The following GALNTL6 variants were observed in gnomAD, a reference collection of about 807,000 sequenced individuals.
GALNTL6 encodes the protein polypeptide N-acetylgalactosaminyltransferase like 6, also known as polypeptide N-acetylgalactosaminyltransferase-like 6.
In GALNTL6, 46 loss-of-function variants were observed where a neutral mutation model predicts 73.7. That is an observed-to-expected ratio of 0.62 (90% CI 0.49 to 0.80). GALNTL6 has a LOEUF of 0.80. Among genes scored for constraint, GALNTL6 ranks in the 30% least tolerant of loss-of-function variants. The pLI, the probability that GALNTL6 is intolerant of heterozygous loss-of-function variation, is 0.00. For synonymous variants in GALNTL6, 259 were observed against 263.7 expected (o/e 0.98, Z 0.17); for missense variants, 604 against 755.0 (o/e 0.80, Z 2.34).
Position 172,921,396 on chromosome 4 carries a change from C to T in GALNTL6, c.1042-9765C>T, listed in dbSNP as rs1230886804. On this transcript the variant is annotated intron_variant, in intron 8 of 12. Transcript: ENST00000506823. ...AACTGTATGATTCTATTGAATTTAA[C>T]ATTCTCTATGTCCAAATTTCAGGTT... 3.3e-5 allele frequency among the ~76,000 whole-genome samples: 5 copies of T among 152,144 alleles called. No homozygotes were observed. The East Asian group carries it at 9.6e-4, about 29-fold the overall frequency.
At chr4:172,238,156 A>G (rs1291942648) in intron 3 of GALNTL6, among the ~76,000 whole-genome samples, 2 of 152,162 alleles carry the variant, frequency 1.3e-5, no homozygotes, top group Admixed American at 6.5e-5. Flanking sequence ...TGGTAGTTCA[A>G]TAGAAATAGC....
chr4:172,835,052 G>A (rs1742834770), intron 7 of GALNTL6, among the ~76,000 whole-genome samples: 1 of 152,198 alleles, frequency 6.6e-6, no homozygotes. Context: ...CAAGAAGCAG[G>A]AGAGGATAAG....
intron 5 of GALNTL6, among the ~76,000 whole-genome samples, chr4:172,608,081 G>A (rs1324110305): frequency 6.6e-6 from 1 of 151,864 alleles, no homozygotes; most frequent in Non-Finnish European, 1.5e-5. Flanking sequence ...CTCCCATTCT[G>A]TTCTATTTAC....
At chr4:173,036,306 T>C (rs1288728324) in intron 12 of GALNTL6, among the ~76,000 whole-genome samples, 1 of 152,198 alleles carries the variant, frequency 6.6e-6, no homozygotes, top group Non-Finnish European at 1.5e-5. Flanking sequence ...GTGTGGAATC[T>C]TTTCTGTAAC....
At chr4:172,207,037 T>A (rs887778561) in intron 2 of GALNTL6, among the ~76,000 whole-genome samples, 6 of 151,466 alleles carry the variant, frequency 4.0e-5, no homozygotes, top group East Asian at 2.0e-4. Context: ...CAGGATGATC[T>A]CAATCTCCTG....
intron 5 of GALNTL6, among the ~76,000 whole-genome samples, chr4:172,482,539 A>G (rs1275853051): frequency 6.6e-6 from 1 of 152,282 alleles, no homozygotes; most frequent in Non-Finnish European, 1.5e-5. Context: ...CATCAAGTAC[A>G]TGAATGCACT....
intron 8 of GALNTL6, among the ~76,000 whole-genome samples, chr4:172,911,391 A>G (rs1180756287): frequency 6.6e-6 from 1 of 152,220 alleles, no homozygotes; most frequent in Non-Finnish European, 1.5e-5. Context: ...AGACAGTTGT[A>G]TTAGAGACCA....
chr4:171,890,410 A>C (rs1307506173), intron 2 of GALNTL6, among the ~76,000 whole-genome samples: 1 of 152,108 alleles, frequency 6.6e-6, no homozygotes, highest in Non-Finnish European at 1.5e-5. Context: ...GGACACTATA[A>C]TTTTTATACA....
intron 3 of GALNTL6, among the ~76,000 whole-genome samples, chr4:172,233,205 CAAA>C (rs35723958): frequency 3.8e-5 from 4 of 104,704 alleles, no homozygotes; most frequent in African/African-American, 3.7e-5. Flanking sequence ...CTCATCTCTC[CAAA>C]AAAAAAAAAA....
intron 6 of GALNTL6, among the ~76,000 whole-genome samples, chr4:172,810,013 C>G (rs1336821924): frequency 6.6e-6 from 1 of 151,728 alleles, no homozygotes; most frequent in Non-Finnish European, 1.5e-5. Flanking sequence ...CCCCAGAATA[C>G]AGTTAAAGTA....
chr4:172,694,759 C>T (rs375568831), intron 5 of GALNTL6, among the ~76,000 whole-genome samples: 70 of 152,268 alleles, frequency 4.6e-4, no homozygotes, highest in African/African-American at 9.6e-4. Context: ...TGCTCCCTTA[C>T]GTATGCATTT....
intron 5 of GALNTL6, among the ~76,000 whole-genome samples, chr4:172,468,678 AG>A (rs1732930591): frequency 6.6e-6 from 1 of 152,210 alleles, no homozygotes; most frequent in African/African-American, 2.4e-5. Context: ...ATAAGGTGGT[AG>A]GTTGTAAGTC....
intron 5 of GALNTL6, among the ~76,000 whole-genome samples, chr4:172,740,878 G>A (rs1341365381): frequency 6.6e-6 from 1 of 152,060 alleles, no homozygotes; most frequent in African/African-American, 2.4e-5. Flanking sequence ...TAAATGCAAT[G>A]TTAATGAATC....
chr4:172,479,190 T>C (rs953194338), intron 5 of GALNTL6, among the ~76,000 whole-genome samples: 3 of 152,128 alleles, frequency 2.0e-5, no homozygotes, highest in Non-Finnish European at 4.4e-5. Flanking sequence ...AGTAATTCAC[T>C]GTATTAAAAA....
chr4:171,903,492 C>T (rs1036217787), intron 2 of GALNTL6, among the ~76,000 whole-genome samples: 31 of 152,040 alleles, frequency 2.0e-4, no homozygotes, highest in East Asian at 1.9e-4. Flanking sequence ...CGGAGGGTCC[C>T]ACGCCCACGG....
intron 5 of GALNTL6, among the ~76,000 whole-genome samples, chr4:172,368,643 G>A (rs1742660707): frequency 6.6e-6 from 1 of 151,960 alleles, no homozygotes; most frequent in Admixed American, 6.5e-5. Context: ...CTTCAAGAAT[G>A]AAGCCGCGGA....
At chr4:172,451,118 T>C (rs1732193316) in intron 5 of GALNTL6, among the ~76,000 whole-genome samples, 1 of 152,224 alleles carries the variant, frequency 6.6e-6, no homozygotes, top group Non-Finnish European at 1.5e-5. Flanking sequence ...CTATTGACGA[T>C]ATTAAATTTG....
chr4:172,427,728 A>G (rs17304519), intron 5 of GALNTL6, among the ~76,000 whole-genome samples: 3,432 of 152,244 alleles, frequency 0.023, 62 homozygotes, highest in Non-Finnish European at 0.032. Flanking sequence ...TAGTTTCACA[A>G]TCATTGTTGA....
chr4:172,762,913 A>G (rs1014165060), intron 5 of GALNTL6, among the ~76,000 whole-genome samples: 1 of 152,116 alleles, frequency 6.6e-6, no homozygotes, highest in Non-Finnish European at 1.5e-5. Flanking sequence ...AAAAAACATT[A>G]GAAAAGCTTC....
Sources: allele counts gnomAD v4.1 joint callset (sites outside exome capture counted in the v4.1 genomes callset), GRCh38; gene constraint gnomAD v4.1.1; transcripts MANE v1.5; gene names NCBI Gene and HGNC (gene_info 2026-07-23, HGNC 2026-07-21).